The following RNASEH2B variants were observed in gnomAD, a reference collection of about 807,000 sequenced individuals.
RNASEH2B encodes Aicardi-Goutieres syndrome 2 protein.
A neutral mutation model predicts 45.0 loss-of-function variants in RNASEH2B; 36 were observed. The observed-to-expected ratio is 0.80, with a 90% CI of 0.61 to 1.06. The LOEUF (loss-of-function observed/expected upper bound fraction) is 1.06. Among genes scored for constraint, RNASEH2B ranks in the 50% least tolerant of loss-of-function variants. RNASEH2B has a pLI of 0.00. For synonymous variants in RNASEH2B, 119 were observed against 125.7 expected (o/e 0.95, Z 0.35); for missense variants, 361 against 360.3 (o/e 1.00, Z -0.02).
downstream of RNASEH2B, among the ~76,000 whole-genome samples, chr13:50,960,924 T>G (rs1952106336): frequency 6.6e-6 from 1 of 152,202 alleles, no homozygotes. Flanking sequence ...TATAGTTTTC[T>G]TTAATCTGCA....
At chr13:50,930,598 T>C (rs939685384) in intron 3 of RNASEH2B, 85 bp from the exon 4 acceptor site, 3 of 976,592 alleles carry the variant, frequency 3.1e-6, no homozygotes, top group African/African-American at 3.2e-5. Flanking sequence ...TTTTCAACAC[T>C]GTTTTTCACT....
At chr13:50,918,370 G>C (rs923362481) in intron 1 of RNASEH2B, among the ~76,000 whole-genome samples, 1 of 152,074 alleles carries the variant, frequency 6.6e-6, no homozygotes, top group Admixed American at 6.6e-5. Context: ...ATCTCCTGAC[G>C]TCGTGATCCG....
intron 1 of RNASEH2B, among the ~76,000 whole-genome samples, chr13:50,914,320 A>G (rs1251736094): frequency 2.6e-5 from 4 of 152,200 alleles, no homozygotes; most frequent in Non-Finnish European, 5.9e-5. Context: ...GTGTTTAGAA[A>G]TATACGTGAG....
At chr13:50,919,045 T>C (rs1951484123) in intron 1 of RNASEH2B, among the ~76,000 whole-genome samples, 1 of 152,218 alleles carries the variant, frequency 6.6e-6, no homozygotes, top group Admixed American at 6.5e-5. Flanking sequence ...GTTTATCTCC[T>C]GTGTGCCAAA....
At chr13:50,956,281 C>A in intron 10 of RNASEH2B, 77 bp from the exon 11 acceptor site, 1 of 1,179,668 alleles carries the variant, frequency 8.5e-7, no homozygotes, top group Non-Finnish European at 1.2e-6. Flanking sequence ...TTGAGACATG[C>A]AGTCTTCTTT....
At chr13:50,960,238 A>C, downstream of RNASEH2B, 2 of 625,148 alleles carry the variant, frequency 3.2e-6, no homozygotes, top group Non-Finnish European at 4.6e-6. Context: ...TAATGGAAAA[A>C]TTTTCCATTT....
At chr13:50,958,001 A>G (rs1952072644), downstream of RNASEH2B, among the ~76,000 whole-genome samples, 1 of 152,072 alleles carries the variant, frequency 6.6e-6, no homozygotes, top group Admixed American at 6.6e-5. Context: ...TCTGGATGTT[A>G]GTCTTTTGTC....
At chr13:50,969,001 C>G (rs1322778422) in intron 9 of RNASEH2B, among the ~76,000 whole-genome samples, 10 of 152,170 alleles carry the variant, frequency 6.6e-5, no homozygotes, top group Admixed American at 5.2e-4. Context: ...CTTGCATAAA[C>G]AAGCAAAAGA....
chr13:50,967,848 T>C (rs1348377015), intron 9 of RNASEH2B, among the ~76,000 whole-genome samples: 1 of 152,224 alleles, frequency 6.6e-6, no homozygotes, highest in Non-Finnish European at 1.5e-5. Flanking sequence ...GAGTTAGCTA[T>C]GTCATAGTCA....
intron 9 of RNASEH2B, among the ~76,000 whole-genome samples, chr13:50,968,991 C>A (rs1291685378): frequency 6.6e-6 from 1 of 152,148 alleles, no homozygotes; most frequent in African/African-American, 2.4e-5. Flanking sequence ...ACATGTTGTT[C>A]TTGCATAAAC....
rs551573692 is a variant in RNASEH2B at position 50,910,096 on chromosome 13, G to A, written c.20G>A (p.Cys7Tyr). Reference protein sequence around the residue: MAAGVDCGDGVGARQHV... With the variant: MAAGVDYGDGVGARQHV... ...GGCGGCATGGCCGCTGGCGTGGACT[G>A]CGGGGACGGGGTTGGCGCCCGGCAG... is the stretch of plus-strand genomic sequence containing the variant. The change falls in exon 1 of 11, where the codon TGC (cysteine) becomes TAC (tyrosine). Residue 7 changes from cysteine to tyrosine, a missense_variant. By Grantham distance (194) the Cys-to-Tyr change is radical. Coordinates refer to ENST00000336617, the MANE Select transcript of RNASEH2B (RefSeq NM_024570.4). 167 of 1,463,690 alleles carry A rather than the reference G, an allele frequency of 1.1e-4. No homozygotes were observed. Among genetic ancestry groups the A allele is most frequent in the Admixed American group, 4.5e-4 (17 of 38,168 alleles). The allele number at this position is 1,463,690 out of a possible 1,614,324, so 90.7% of individuals were successfully genotyped here. A position where few individuals can be genotyped will look rare whatever the true frequency, so the allele number is the denominator to read the frequency against.
downstream of RNASEH2B, among the ~76,000 whole-genome samples, chr13:50,960,721 C>T (rs1284712652): frequency 6.6e-6 from 1 of 152,172 alleles, no homozygotes; most frequent in Admixed American, 6.5e-5. Flanking sequence ...AGACTTTCTA[C>T]ACTTTTATTA....
At chr13:50,910,947 T>C (rs1274596905) in intron 1 of RNASEH2B, 1 of 152,264 alleles carries the variant, frequency 6.6e-6, no homozygotes, top group Non-Finnish European at 1.5e-5. Context: ...GTAAATATAC[T>C]CTGATAACAA....
At chr13:50,946,898 GAC>G (rs1951906891) in intron 7 of RNASEH2B, among the ~76,000 whole-genome samples, 1 of 152,150 alleles carries the variant, frequency 6.6e-6, no homozygotes, top group Non-Finnish European at 1.5e-5. Context: ...GTCTAGTCAT[GAC>G]TCATTGGATA....
At chr13:50,910,437 C>T (rs991232094) in intron 1 of RNASEH2B, 7 of 291,592 alleles carry the variant, frequency 2.4e-5, no homozygotes, top group African/African-American at 1.5e-4. Context: ...TCGCGGTCAC[C>T]GGTGCGCTGC....
intron 3 of RNASEH2B, 37 bp downstream of exon 3, chr13:50,929,619 A>G: frequency 1.6e-6 from 2 of 1,281,986 alleles, no homozygotes; most frequent in South Asian, 1.2e-5. Context: ...ATAACTAAAC[A>G]CATACTCCAG....
At chr13:50,937,990 C>T (rs569185068) in intron 5 of RNASEH2B, 6 of 152,258 alleles carry the variant, frequency 3.9e-5, no homozygotes, top group African/African-American at 1.4e-4. Context: ...GTCAGTAGTA[C>T]AACTGTCTTT....
intron 5 of RNASEH2B, chr13:50,942,588 G>A (rs1421719841): frequency 1.3e-5 from 2 of 152,092 alleles, no homozygotes; most frequent in African/African-American, 4.8e-5. Context: ...ACATTGAGGT[G>A]AGCTTAAAAT....
chr13:50,945,615 C>A, intron 7 of RNASEH2B, 83 bp downstream of exon 7: 2 of 891,990 alleles, frequency 2.2e-6, no homozygotes, highest in South Asian at 1.3e-5. Context: ...ATTTAAAAAT[C>A]TTAATATCAC....
Sources: gnomAD v4.1 joint callset for allele counts (sites outside exome capture counted in the v4.1 genomes callset) on GRCh38, gnomAD v4.1.1 for gene constraint, MANE v1.5 for transcripts, NCBI Gene and HGNC (gene_info 2026-07-23, HGNC 2026-07-21) for gene names.